The following NEGR1 variants were observed in gnomAD, a reference collection of about 807,000 sequenced individuals.
NEGR1 encodes neuronal growth regulator 1.
In NEGR1, 10 loss-of-function variants were observed where a neutral mutation model predicts 40.9. That is an observed-to-expected ratio of 0.24 (90% CI 0.15 to 0.42). The LOEUF is 0.42. Among genes scored for constraint, NEGR1 ranks in the 10% least tolerant of loss-of-function variants. The pLI is 1.00. For synonymous variants in NEGR1, 185 were observed against 166.8 expected, an observed-to-expected ratio of 1.11 and a Z score of -0.84; for missense variants, 352 against 438.9, an observed-to-expected ratio of 0.80 and a Z score of 1.77.
chr1:71,783,747 C>T (rs1177398745), intron 2 of NEGR1, among the ~76,000 whole-genome samples: 3 of 152,158 alleles, frequency 2.0e-5, no homozygotes, highest in South Asian at 2.1e-4. Context: ...TACCTATGCA[C>T]GAGTTTTTCT....
At chr1:71,628,517 A>C (rs915430474) in intron 4 of NEGR1, among the ~76,000 whole-genome samples, 1 of 151,978 alleles carries the variant, frequency 6.6e-6, no homozygotes. Context: ...TGCACCCGTC[A>C]ACCCATCATC....
intron 1 of NEGR1, among the ~76,000 whole-genome samples, chr1:72,180,433 A>G (rs1051124859): frequency 6.6e-6 from 1 of 151,984 alleles, no homozygotes; most frequent in Non-Finnish European, 1.5e-5. Flanking sequence ...AAAATACCAA[A>G]ATCTCAGGCC....
chr1:71,833,077 T>C (rs969314540), intron 2 of NEGR1, among the ~76,000 whole-genome samples: 5 of 152,064 alleles, frequency 3.3e-5, no homozygotes, highest in African/African-American at 1.2e-4. Context: ...AGAGAATACA[T>C]TTTTATGACT....
chr1:71,766,327 G>T (rs1423851386), intron 3 of NEGR1, among the ~76,000 whole-genome samples: 1 of 152,146 alleles, frequency 6.6e-6, no homozygotes, highest in Non-Finnish European at 1.5e-5. Context: ...AAACATGACA[G>T]GAGAAAAAGA....
intron 2 of NEGR1, among the ~76,000 whole-genome samples, chr1:71,924,207 A>G (rs981740142): frequency 6.6e-6 from 1 of 152,152 alleles, no homozygotes; most frequent in Non-Finnish European, 1.5e-5. Flanking sequence ...TTAACCTAAC[A>G]AATTCATTGG....
Position 72,151,705 on chromosome 1 carries a change from T to C in NEGR1, c.176+130614A>G, listed in dbSNP as rs544921520. ...AAAATTGCCATTTTCTCTGAGAATA[T>C]AAAAATACTTCTATGATCTAAGAAA... On this transcript the variant is annotated intron_variant, in intron 1 of 6. Coordinates refer to ENST00000357731, the MANE Select transcript of NEGR1 (RefSeq NM_173808.3). 2.9e-4 allele frequency among the ~76,000 whole-genome samples: 44 copies of C among 151,912 alleles called. 2 individuals carry two copies. Among genetic ancestry groups the C allele is most frequent in the South Asian group, 2.1e-4 (1 of 4,832 alleles).
chr1:72,234,655 C>T (rs1213609180), intron 1 of NEGR1, among the ~76,000 whole-genome samples: 3 of 152,026 alleles, frequency 2.0e-5, no homozygotes, highest in African/African-American at 7.2e-5. Flanking sequence ...CAAAATAAGA[C>T]ACACATCTGG....
chr1:71,636,176 A>G (rs949173303), intron 4 of NEGR1, among the ~76,000 whole-genome samples: 45 of 152,134 alleles, frequency 3.0e-4, no homozygotes, highest in African/African-American at 1.1e-3. Flanking sequence ...ATATATTACA[A>G]TAAGTCCTAA....
chr1:71,802,817 A>G (rs1657608616), intron 2 of NEGR1, among the ~76,000 whole-genome samples: 2 of 152,204 alleles, frequency 1.3e-5, no homozygotes, highest in South Asian at 4.1e-4. Flanking sequence ...TTTAACACAC[A>G]TAACAAGTCT....
rs562764625 is a variant in NEGR1, at chr1:71,868,796, T to A, written c.409+66283A>T. Among the ~76,000 whole-genome samples the A allele has an allele frequency of 2.6e-5, 4 of 152,018 alleles. No individual in the cohort carries two copies. In the South Asian group the frequency reaches 8.3e-4, roughly 32 times the overall value. On this transcript the variant is annotated intron_variant, in intron 2 of 6. Coordinates refer to ENST00000357731, the MANE Select transcript of NEGR1 (RefSeq NM_173808.3). ...CTTTCCTCTCTCACTGACCTAATAC[T>A]CTCTTCCTCTCTCACTGACCTAATA...
chr1:71,784,707 T>C (rs1310302996), intron 2 of NEGR1, among the ~76,000 whole-genome samples: 1 of 152,214 alleles, frequency 6.6e-6, no homozygotes, highest in Non-Finnish European at 1.5e-5. Flanking sequence ...CTCTGGACTC[T>C]CTAATGCATG....
intron 6 of NEGR1, among the ~76,000 whole-genome samples, chr1:71,522,278 G>A (rs541927732): frequency 1.3e-5 from 2 of 152,002 alleles, no homozygotes; most frequent in Non-Finnish European, 2.9e-5. Flanking sequence ...TGTTGAATTA[G>A]TGAATGCATT....
intron 4 of NEGR1, among the ~76,000 whole-genome samples, chr1:71,686,027 G>A (rs11209824): frequency 0.024 from 1,041 of 43,404 alleles, 12 homozygotes; most frequent in African/African-American, 0.069. Context: ...AAAGGCATGA[G>A]ACTCATAGAC....
At chr1:71,570,092 C>G (rs747086982) in intron 6 of NEGR1, among the ~76,000 whole-genome samples, 1 of 152,180 alleles carries the variant, frequency 6.6e-6, no homozygotes, top group Admixed American at 6.5e-5. Context: ...AGATAATTTG[C>G]GAACCATTTT....
chr1:71,451,164 C>T (rs1646625196), intron 6 of NEGR1, among the ~76,000 whole-genome samples: 1 of 152,146 alleles, frequency 6.6e-6, no homozygotes, highest in African/African-American at 2.4e-5. Flanking sequence ...GTAGGGCAGA[C>T]AGGCTTGTTC....
intron 2 of NEGR1, among the ~76,000 whole-genome samples, chr1:71,872,941 T>A (rs1310696495): frequency 6.6e-6 from 1 of 152,030 alleles, no homozygotes; most frequent in Non-Finnish European, 1.5e-5. Flanking sequence ...GAAAATGGCA[T>A]AGGAAGTTAG....
intron 1 of NEGR1, among the ~76,000 whole-genome samples, chr1:72,001,681 C>G (rs1402911005): frequency 6.7e-6 from 1 of 150,172 alleles, no homozygotes; most frequent in East Asian, 2.0e-4. Flanking sequence ...GAGGGCATTA[C>G]GAACATCACA....
chr1:71,641,282 A>G (rs967891189), intron 4 of NEGR1, among the ~76,000 whole-genome samples: 8 of 152,070 alleles, frequency 5.3e-5, no homozygotes, highest in Admixed American at 3.9e-4. Context: ...TAGCTGATAT[A>G]CATATGTATC....
intron 6 of NEGR1, among the ~76,000 whole-genome samples, chr1:71,588,878 T>C (rs536370877): frequency 6.6e-6 from 1 of 152,264 alleles, no homozygotes; most frequent in African/African-American, 2.4e-5. Flanking sequence ...ATCAGGGAGC[T>C]GCTCATATAC....
Sources: allele counts gnomAD v4.1 joint callset (sites outside exome capture counted in the v4.1 genomes callset), GRCh38; gene constraint gnomAD v4.1.1; transcripts MANE v1.5; gene names NCBI Gene and HGNC (gene_info 2026-07-23, HGNC 2026-07-21).